Variants in AP5Z1 observed in about 807,000 individuals in gnomAD.
AP5Z1 encodes AP-5 complex subunit zeta-1.
In AP5Z1, 106 loss-of-function variants were observed where a neutral mutation model predicts 83.0. That is an observed-to-expected ratio of 1.28 (90% CI 1.09 to 1.50). The LOEUF (loss-of-function observed/expected upper bound fraction) is 1.50. Among genes scored for constraint, AP5Z1 ranks in the 40% most tolerant of loss-of-function variants. AP5Z1 has a pLI of 0.00. For missense variants in AP5Z1, 1,565 were observed against 1,094.2 expected (o/e 1.43, Z -6.07); for synonymous variants, 751 against 514.1 (o/e 1.46, Z -6.23).
intron 9 of AP5Z1, 83 bp downstream of exon 9, chr7:4,785,767 T>C: frequency 7.2e-7 from 1 of 1,383,444 alleles, no homozygotes. Flanking sequence ...TCCCTTTTTT[T>C]TTTTTTTTTT....
Position 4,788,201 on chromosome 7 carries a change from G to C in AP5Z1, c.1502G>C (p.Arg501Thr). 1 of 1,562,776 alleles carries C rather than the reference G, an allele frequency of 6.4e-7. No individual in the cohort carries two copies. Among genetic ancestry groups the C allele is most frequent in the Non-Finnish European group, 8.7e-7 (1 of 1,154,590 alleles). Residue 501 changes from arginine to threonine, a missense_variant, in exon 12 of 17, where the codon AGG (arginine) becomes ACG (threonine). By Grantham distance (71) the Arg-to-Thr change is moderately conservative. Transcript: ENST00000649063. ...SERPLWDTSL[R>T]APSCLEAFRD... The stretch of plus-strand genomic sequence containing the variant: ...AGGCCACTCTGGGACACCTCTCTCA[G>C]GGCCCCCAGCTGCCTGGAGGCCTTC...
Position 4,791,543 on chromosome 7 carries a change from C to T in AP5Z1, c.*158C>T, listed in dbSNP as rs551093436. 1.3e-5 allele frequency: 14 copies of T among 1,087,436 alleles called. No individual in the cohort carries two copies. Among genetic ancestry groups the T allele is most frequent in the East Asian group, 5.2e-5 (2 of 38,310 alleles). 67.4% of individuals were successfully genotyped at this position (1,087,436 alleles called of 1,614,324 possible). On this transcript the variant is annotated 3_prime_UTR_variant, in exon 17 of 17. Transcript: ENST00000649063. ...CACCCTCACAGACACGCGGGGCTGG[C>T]CCCCCTGCTCACCCTCTGGGCTTTG... is the stretch of plus-strand genomic sequence containing the variant.
intron 14 of AP5Z1, 69 bp downstream of exon 14, chr7:4,789,998 CCCCCCTCCCCTT>C: frequency 3.1e-6 from 2 of 653,152 alleles, no homozygotes; most frequent in Non-Finnish European, 4.3e-6. Flanking sequence ...CCTCTCCCCT[CCCCCCTCCCCTT>C]CAGTGGCTTC....
Position 4,790,872 on chromosome 7 carries a change from A to G in AP5Z1, c.2138A>G (p.Gln713Arg). The G allele has an allele frequency of 1.2e-6, 2 of 1,604,348 alleles. No individual in the cohort carries two copies. The highest frequency in any genetic ancestry group is 1.7e-6 in the Non-Finnish European group (2 of 1,176,550). ...CTGACGAAGCTGGCCTCCCGGAGCC[A>G]AGATCTGATCCCCAGGTGCCTGGTC... ...TTLTKLASRS[Q>R]DLIPRASLLL... Residue 713 changes from glutamine to arginine, a missense_variant, in exon 16 of 17, where the codon CAA (glutamine) becomes CGA (arginine). Coordinates refer to ENST00000649063, the MANE Select transcript of AP5Z1 (RefSeq NM_014855.3).
Position 4,781,599 on chromosome 7 carries a change from G to A in AP5Z1, c.211G>A (p.Ala71Thr). ...GAAGACATGCGTAGACCTGCTGCAG[G>A]CCACCCTCGGCCTGCCTGCATGCCC... ...LEKTCVDLLQ[A>T]TLGLPACPEQ... The change falls in exon 3 of 17, where the codon GCC (alanine) becomes ACC (threonine). Residue 71 changes from alanine to threonine, a missense_variant. Physicochemically the swap from Ala to Thr is moderately conservative, Grantham distance 58. Transcript: ENST00000649063. The A allele has an allele frequency of 6.2e-7, 1 of 1,609,250 alleles. No homozygotes were observed. Among genetic ancestry groups the A allele is most frequent in the Non-Finnish European group, 8.5e-7 (1 of 1,177,070 alleles).
rs200354592 is a variant in AP5Z1, at chr7:4,787,593, C to T, written c.1312-41C>T. On this transcript the variant is annotated intron_variant, in intron 10 of 16. Transcript: ENST00000649063. ...GCTCCTCCCTCTGCCGCCTGCTCCA[C>T]AGCTCCGAGCCGTGTCCGAACCGCT... 40 of 1,532,158 alleles carry T rather than the reference C, an allele frequency of 2.6e-5. No individual in the cohort carries two copies. The East Asian group carries it at 9.6e-4, about 37-fold the overall frequency. 94.9% of individuals were successfully genotyped at this position (1,532,158 alleles called of 1,614,324 possible). A position where few individuals can be genotyped will look rare whatever the true frequency, so the allele number is the denominator to read the frequency against.
intron 10 of AP5Z1, among the ~76,000 whole-genome samples, chr7:4,787,048 A>C (rs986860273): frequency 1.3e-5 from 2 of 151,810 alleles, no homozygotes; most frequent in Non-Finnish European, 2.9e-5. Flanking sequence ...CTGGGATTAC[A>C]GGCATGAGCC....
At position 4,785,666 on chromosome 7, in the gene AP5Z1, CACT is replaced by C; in HGVS notation, c.1115_1117del (p.His372_Phe373delinsLeu). ...TGTGCGGGTGCTGCTGCCCCTCGCC[CACT>C]TCTTCCTGAGCCACGGTGAGCCCAG... On this transcript the variant is annotated inframe_deletion, in exon 9 of 17. Coordinates refer to ENST00000649063, the MANE Select transcript of AP5Z1 (RefSeq NM_014855.3). 4 of 1,542,146 alleles carry C rather than the reference CACT, an allele frequency of 2.6e-6. No homozygotes were observed. Among genetic ancestry groups the C allele is most frequent in the Middle Eastern group, 3.4e-4 (2 of 5,904 alleles).
intron 6 of AP5Z1, among the ~76,000 whole-genome samples, chr7:4,784,611 A>G (rs752565995): frequency 6.6e-6 from 1 of 152,050 alleles, no homozygotes; most frequent in Non-Finnish European, 1.5e-5. Flanking sequence ...CCCTCATGCA[A>G]TGTGCAGATG....
rs750771636 is a variant in AP5Z1, at chr7:4,790,747, C to T, written c.2013C>T (p.Phe671=). Residue 671 remains phenylalanine, a synonymous_variant, in exon 16 of 17, where the codon TTC becomes TTT. Coordinates refer to ENST00000649063, the MANE Select transcript of AP5Z1 (RefSeq NM_014855.3). ...CCGTGGAGCAGATCAACAAGTTCTT[C>T]GAAGCCCTGGAGGCTCTGCTATTCG... ...RCTVEQINKF[F]EALEALLFEV... The T allele has an allele frequency of 4.4e-5, 71 of 1,609,396 alleles. No homozygotes were observed. Among genetic ancestry groups the T allele is most frequent in the African/African-American group, 1.3e-4 (10 of 74,840 alleles).
chr7:4,790,268 G>C (rs750617267), intron 14 of AP5Z1, 191 bp from the exon 15 acceptor site: 1 of 1,543,746 alleles, frequency 6.5e-7, no homozygotes, highest in African/African-American at 1.4e-5. Flanking sequence ...CCTGAGGCCA[G>C]CGCTGGTGCC....
Position 4,790,481 on chromosome 7 carries a change from GC to G in AP5Z1, c.1831del (p.Leu611CysfsTer4). 6.2e-7 allele frequency: 1 copy of G among 1,613,198 alleles called. No individual in the cohort carries two copies. Among genetic ancestry groups the G allele is most frequent in the Non-Finnish European group, 8.5e-7 (1 of 1,179,868 alleles). On this transcript the variant is annotated frameshift_variant, in exon 15 of 17. Transcript: ENST00000649063. LOFTEE classifies it high-confidence loss of function. ...VHSVLSSQFL[A>X]LCTLKPSLVV... ...CAGTGTGCTGAGTTCTCAGTTCCTG[GC>G]CCTGTGTACGCTGAAACCCTCCCTG...
At chr7:4,785,333 A>G in intron 7 of AP5Z1, 82 bp from the exon 8 acceptor site, 15 of 1,539,118 alleles carry the variant, frequency 9.7e-6, no homozygotes, top group Middle Eastern at 1.9e-4. Context: ...TCCTGCCTGG[A>G]GCTTCCAGAG....
At chr7:4,785,307 A>G (rs1583232821) in intron 7 of AP5Z1, 108 bp from the exon 8 acceptor site, 13 of 1,444,506 alleles carry the variant, frequency 9.0e-6, no homozygotes, top group Non-Finnish European at 1.1e-5. Context: ...GGCCTGTCCC[A>G]CCCCCCTGCT....
chr7:4,781,999 A>C (rs1317459802), intron 3 of AP5Z1, among the ~76,000 whole-genome samples: 1 of 152,070 alleles, frequency 6.6e-6, no homozygotes, highest in Non-Finnish European at 1.5e-5. Flanking sequence ...TCTCAGACAG[A>C]GCCTTGAGAC....
intron 9 of AP5Z1, 36 bp from the exon 10 acceptor site, chr7:4,786,214 T>G: frequency 6.4e-7 from 1 of 1,559,270 alleles, no homozygotes; most frequent in Non-Finnish European, 8.7e-7. Flanking sequence ...CAGGGCGAGG[T>G]CAAGACGTGT....
chr7:4,791,642 T>C lies in AP5Z1; in HGVS notation c.*257T>C, dbSNP rs1005902148. 1.7e-5 allele frequency: 9 copies of C among 544,604 alleles called. No individual in the cohort carries two copies. Among genetic ancestry groups the C allele is most frequent in the African/African-American group, 3.8e-5 (2 of 52,912 alleles). The allele number at this position is 544,604 out of a possible 1,614,324, so 33.7% of individuals were successfully genotyped here. A position where few individuals can be genotyped will look rare whatever the true frequency, so the allele number is the denominator to read the frequency against. On this transcript the variant is annotated 3_prime_UTR_variant, in exon 17 of 17. Transcript: ENST00000649063. ...CCATGGAGCGGCTCTGATTGGAGGC[T>C]TGAGGCCCTGTGGCTGGGTCGGGTG...
intron 10 of AP5Z1, among the ~76,000 whole-genome samples, chr7:4,787,003 C>G (rs1174658252): frequency 6.6e-6 from 1 of 151,874 alleles, no homozygotes; most frequent in Admixed American, 6.6e-5. Context: ...AACTCCTGAC[C>G]TCAGATGATC....
chr7:4,780,591 T>C (rs546511393), intron 1 of AP5Z1, among the ~76,000 whole-genome samples: 10 of 152,240 alleles, frequency 6.6e-5, no homozygotes, highest in Non-Finnish European at 1.0e-4. Context: ...GGTGAAACCC[T>C]GTCTTTACTA....
Sources: gnomAD v4.1 joint callset for allele counts (sites outside exome capture counted in the v4.1 genomes callset) on GRCh38, gnomAD v4.1.1 for gene constraint, MANE v1.5 for transcripts, NCBI Gene and HGNC (gene_info 2026-07-23, HGNC 2026-07-21) for gene names.